The following SLC7A5 variants were observed in gnomAD, a reference collection of about 807,000 sequenced individuals.
The protein encoded by SLC7A5 is large neutral amino acids transporter small subunit 1.
Under a neutral mutation model 50.2 loss-of-function variants are expected in SLC7A5, and 23 were observed. The ratio of observed to expected loss-of-function variants is 0.46; its 90% CI spans 0.33 to 0.65. The LOEUF is 0.65. Among genes scored for constraint, SLC7A5 ranks in the 30% least tolerant of loss-of-function variants. The pLI is 0.02. For synonymous variants in SLC7A5, 393 were observed against 330.6 expected (o/e 1.19, Z -2.05); for missense variants, 578 against 684.4 (o/e 0.84, Z 1.73).
rs61164920 is a variant in SLC7A5 at position 87,852,638 on chromosome 16, CTGTGTGTGTGTGTGTGTGTGTGTGTG to C, written c.539-815_539-790del. Among the ~76,000 whole-genome samples the C allele has an allele frequency of 8.6e-6, 1 of 116,796 alleles. No individual in the cohort carries two copies. The highest frequency in any genetic ancestry group is 3.3e-5 in the African/African-American group (1 of 30,614). 76.6% of individuals were successfully genotyped at this position (116,796 alleles called of 152,430 possible). On this transcript the variant is annotated intron_variant, in intron 1 of 9. Transcript: ENST00000261622. This position sits in a 1 kb window ranked among gnomAD's most constrained non-coding sequence, Gnocchi z 4.5. The stretch of plus-strand genomic sequence containing the variant: ...CTGTAAGGCACCCAGCTCTGAGCCT[CTGTGTGTGTGTGTGTGTGTGTGTGTG>C]TGTGTGTGTGTGTGTGTGTGTGTTG...
chr16:87,834,310 C>G, intron 9 of SLC7A5, 104 bp downstream of exon 9: 3 of 1,161,294 alleles, frequency 2.6e-6, no homozygotes, highest in Non-Finnish European at 3.8e-6. Context: ...TCCTGCCACC[C>G]AACACGCTTC....
chr16:87,849,816 G>A (rs1019342941), intron 2 of SLC7A5, among the ~76,000 whole-genome samples: 8 of 152,088 alleles, frequency 5.3e-5, no homozygotes, highest in African/African-American at 1.7e-4. Context: ...TACCCCGGGC[G>A]ACTCTGAGAA....
At position 87,862,146 on chromosome 16, in the gene SLC7A5, C is replaced by T. The variant is rs2055406635; in HGVS notation, c.538+6739G>A. On this transcript the variant is annotated intron_variant, in intron 1 of 9. Transcript: ENST00000261622. This position sits in a 1 kb window ranked among gnomAD's most constrained non-coding sequence, Gnocchi z 5.3. ...GCTACAGGCTACAGGTGCTTGATAC[C>T]CCAGGGGGGCCCTGGAACAGGCCTG... Among the ~76,000 whole-genome samples, 2 of 152,060 alleles carry T rather than the reference C, an allele frequency of 1.3e-5. No individual in the cohort carries two copies. The highest frequency in any genetic ancestry group is 1.3e-4 in the Admixed American group (2 of 15,264).
In SLC7A5 at chr16:87,841,147, A is replaced by T. The variant is rs1453260294; in HGVS notation, c.673T>A (p.Ser225Thr). The change falls in exon 3 of 10, where the codon TCC becomes ACC. Residue 225 changes from serine (S) to threonine (T), a missense_variant. Coordinates refer to ENST00000261622, the MANE Select transcript of SLC7A5 (RefSeq NM_003486.7). The surrounding 1 kb of genome is among the most constrained non-coding windows in gnomAD (Gnocchi z 4.8). ...GFVQIGKGDV[S>T]NLDPNFSFEG... The stretch of plus-strand genomic sequence containing the variant: ...AATGAGAAGTTGGGATCTAGATTGG[A>T]CACATCACCTGGCAGGGCCAAAGAA... The T allele has an allele frequency of 6.2e-6, 10 of 1,609,798 alleles. No homozygotes were observed. The highest frequency in any genetic ancestry group is 8.5e-6 in the Non-Finnish European group (10 of 1,176,296).
chr16:87,868,058 G>A (rs2055485193), intron 1 of SLC7A5, among the ~76,000 whole-genome samples: 1 of 150,742 alleles, frequency 6.6e-6, no homozygotes, highest in African/African-American at 2.4e-5. Flanking sequence ...CGGGCTTGCG[G>A]TGAGCCGAGA....
At position 87,830,066 on chromosome 16, in the gene SLC7A5, A is replaced by C. The variant is rs1397951623; in HGVS notation, c.*2904T>G. ...CTTTAAAAATAAAAACCCCACAAAA[A>C]AGCCAGAACACCCTACCCAACCCAG... On this transcript the variant is annotated 3_prime_UTR_variant, in exon 10 of 10. Coordinates refer to ENST00000261622, the MANE Select transcript of SLC7A5 (RefSeq NM_003486.7). 6.6e-6 allele frequency: 1 copy of C among 152,140 alleles called. No homozygotes were observed. Among genetic ancestry groups the C allele is most frequent in the East Asian group, 1.9e-4 (1 of 5,186 alleles). The allele number at this position is 152,140 out of a possible 1,614,324, so 9.4% of individuals were successfully genotyped here.
chr16:87,857,686 G>A (rs2055338367), intron 1 of SLC7A5, among the ~76,000 whole-genome samples: 1 of 152,224 alleles, frequency 6.6e-6, no homozygotes. Flanking sequence ...CAAACAGAGA[G>A]ATGATCCCAA....
At chr16:87,846,724 C>T (rs562193386) in intron 2 of SLC7A5, among the ~76,000 whole-genome samples, 24 of 152,348 alleles carry the variant, frequency 1.6e-4, no homozygotes, top group Middle Eastern at 3.4e-3. Context: ...ATCCAGGTAG[C>T]AGGGCCCTGG....
rs1470041453 is a variant in SLC7A5, at chr16:87,869,376, G to C, written c.47C>G (p.Ala16Gly). The C allele has an allele frequency of 3.8e-6, 6 of 1,596,266 alleles. No individual in the cohort carries two copies. The highest frequency in any genetic ancestry group is 5.1e-6 in the Non-Finnish European group (6 of 1,174,342). ...PKRRALAAPAAEEKEEAREKM... is the reference protein window; with the variant it reads ...PKRRALAAPAGEEKEEAREKM... ...CTCCCGCGCCTCTTCCTTCTCCTCG[G>C]CCGCCGGCGCCGCTAGCGCGCGCCG... The change falls in exon 1 of 10, where the codon GCC (alanine) becomes GGC (glycine). Residue 16 changes from alanine (A) to glycine (G), a missense_variant. By Grantham distance (60) the Ala-to-Gly change is moderately conservative. Coordinates refer to ENST00000261622, the MANE Select transcript of SLC7A5 (RefSeq NM_003486.7).
intron 5 of SLC7A5, 69 bp from the exon 6 acceptor site, chr16:87,838,886 G>T: frequency 1.7e-6 from 2 of 1,154,296 alleles, no homozygotes; most frequent in Non-Finnish European, 2.6e-6. Context: ...CTCACTGGGA[G>T]CCCTCTGCAC....
intron 1 of SLC7A5, among the ~76,000 whole-genome samples, chr16:87,855,454 C>T (rs1012124238): frequency 4.6e-5 from 7 of 152,242 alleles, no homozygotes; most frequent in South Asian, 2.1e-4. Context: ...CAATCACACA[C>T]GTGCACACAC....
intron 7 of SLC7A5, chr16:87,837,488 G>A (rs2055021560): frequency 6.5e-6 from 2 of 305,664 alleles, no homozygotes; most frequent in South Asian, 8.9e-5. Flanking sequence ...ACGGAAAGAT[G>A]CAGGAGAAGC....
intron 1 of SLC7A5, among the ~76,000 whole-genome samples, chr16:87,863,986 A>AAAATAT (rs376938738): frequency 7.2e-5 from 6 of 83,278 alleles, no homozygotes; most frequent in African/African-American, 2.3e-4. Flanking sequence ...ATCATTTAAA[A>AAAATAT]ATATATATAT....
At chr16:87,868,824 C>G in intron 1 of SLC7A5, 61 bp downstream of exon 1, 5 of 1,500,738 alleles carry the variant, frequency 3.3e-6, no homozygotes, top group Non-Finnish European at 4.5e-6. Flanking sequence ...CGTAGTGATG[C>G]AAGGATGCAG....
Position 87,836,505 on chromosome 16 carries a change from G to A in SLC7A5, c.1283C>T (p.Pro428Leu). The A allele has an allele frequency of 1.2e-6, 2 of 1,611,150 alleles. No homozygotes were observed. Among genetic ancestry groups the A allele is most frequent in the East Asian group, 2.2e-5 (1 of 44,876 alleles). ...GGGAGGCCCCGGGCTCACCTTGATG[G>A]GCCGCTCAAGCTCAGGCTTTCTGTG... ...LRHRKPELERPIKVNLALPVF... is the reference protein window; with the variant it reads ...LRHRKPELERLIKVNLALPVF... Residue 428 changes from proline (P) to leucine (L), a missense_variant, in exon 8 of 10, where the codon CCC becomes CTC. Pro to Leu is a moderately conservative substitution (Grantham distance 98). Around this residue, in one of 2 missense-constraint regions of SLC7A5, gnomAD observed 465 missense variants for 594.6 expected, o/e 0.78. Coordinates refer to ENST00000261622, the MANE Select transcript of SLC7A5 (RefSeq NM_003486.7).
chr16:87,839,850 C>T (rs199522670), intron 4 of SLC7A5, 25 bp from the exon 5 acceptor site: 252 of 1,613,136 alleles, frequency 1.6e-4, no homozygotes, highest in Non-Finnish European at 2.0e-4. Context: ...GACGACATGT[C>T]ACCCAACGCA....
At chr16:87,850,759 G>C (rs1436345418) in intron 2 of SLC7A5, among the ~76,000 whole-genome samples, 1 of 152,204 alleles carries the variant, frequency 6.6e-6, no homozygotes, top group Non-Finnish European at 1.5e-5. Context: ...AGGACAGTGT[G>C]TCCCAGGGTC....
At chr16:87,834,926 G>A (rs114880166) in intron 8 of SLC7A5, among the ~76,000 whole-genome samples, 38 of 152,324 alleles carry the variant, frequency 2.5e-4, no homozygotes, top group African/African-American at 8.7e-4. Flanking sequence ...GGACGCACAG[G>A]GGCCTGATGC....
At chr16:87,851,307 TGG>T (rs1320184244) in intron 2 of SLC7A5, among the ~76,000 whole-genome samples, 1 of 150,416 alleles carries the variant, frequency 6.6e-6, no homozygotes, top group Non-Finnish European at 1.5e-5. Context: ...CCGTCGGGGG[TGG>T]GTGAGGGGCG....
Sources: gnomAD v4.1 joint callset for allele counts (sites outside exome capture counted in the v4.1 genomes callset) on GRCh38, gnomAD v4.1.1 for gene constraint, gnomAD v4.1.1 regional missense constraint, Gnocchi (gnomAD v3.1) non-coding constraint, MANE v1.5 for transcripts, NCBI Gene and HGNC (gene_info 2026-07-23, HGNC 2026-07-21) for gene names.